The following WWC1 variants were observed in gnomAD, a reference collection of about 807,000 sequenced individuals.
WWC1 encodes protein KIBRA.
A neutral mutation model predicts 138.4 loss-of-function variants in WWC1; 55 were observed. That is an observed-to-expected ratio of 0.40 (90% CI 0.32 to 0.50). The LOEUF (loss-of-function observed/expected upper bound fraction) is 0.50. Ranked by LOEUF, WWC1 falls within the 20% of genes least tolerant of loss-of-function variation. The pLI, the probability that WWC1 is intolerant of heterozygous loss-of-function variation, is 0.72. For missense variants in WWC1, 1,226 were observed against 1,420.4 expected (o/e 0.86, Z 2.20); for synonymous variants, 524 against 564.9 (o/e 0.93, Z 1.03).
In WWC1 at chr5:168,332,443, A is replaced by G. The variant is rs115873798; in HGVS notation, c.120-38981A>G. The stretch of plus-strand genomic sequence containing the variant: ...TTTTCCTTTTCTGGTTGCATCTAAT[A>G]ATTCTGTTTATAAGTGATACTTTCT... On this transcript the variant is annotated intron_variant, in intron 1 of 22. Transcript: ENST00000265293. 6.6e-3 allele frequency among the ~76,000 whole-genome samples: 999 copies of G among 152,334 alleles called. 7 individuals carry two copies. The highest frequency in any genetic ancestry group is 9.7e-3 in the Non-Finnish European group (662 of 68,020).
rs1755077145 is a variant in WWC1 at position 168,444,651 on chromosome 5, C to T, written c.2525+66C>T. The T allele has an allele frequency of 1.9e-6, 3 of 1,545,630 alleles. No individual in the cohort carries two copies. In the African/African-American group the frequency reaches 4.1e-5, roughly 21 times the overall value. ...TGGACCTAGGCCCAGCAATGAGATC[C>T]CCCAATGCCAGTGCAACTAAGAGAA... On this transcript the variant is annotated intron_variant, in intron 17 of 22. Coordinates refer to ENST00000265293, the MANE Select transcript of WWC1 (RefSeq NM_015238.3).
chr5:168,354,566 C>T (rs939127788), intron 1 of WWC1, among the ~76,000 whole-genome samples: 1 of 152,130 alleles, frequency 6.6e-6, no homozygotes, highest in African/African-American at 2.4e-5. Flanking sequence ...TAGTGCTGTC[C>T]TAGGTACAAA....
intron 8 of WWC1, among the ~76,000 whole-genome samples, chr5:168,410,464 T>G (rs1331183078): frequency 6.6e-6 from 1 of 152,260 alleles, no homozygotes; most frequent in East Asian, 1.9e-4. Context: ...CTTCACAGAA[T>G]CCTAAGCAAT....
intron 17 of WWC1, among the ~76,000 whole-genome samples, chr5:168,450,257 TC>T (rs2152880916): frequency 6.6e-6 from 1 of 151,980 alleles, no homozygotes; most frequent in South Asian, 2.1e-4. Context: ...AACCTTGGAG[TC>T]CAAGGGAAAT....
chr5:168,324,883 G>T (rs892896628), intron 1 of WWC1, among the ~76,000 whole-genome samples: 5 of 152,208 alleles, frequency 3.3e-5, no homozygotes, highest in Non-Finnish European at 5.9e-5. Flanking sequence ...ATGGCTGTCA[G>T]CATGGCATGC....
chr5:168,361,330 C>T (rs959455830), intron 1 of WWC1, among the ~76,000 whole-genome samples: 8 of 152,240 alleles, frequency 5.3e-5, no homozygotes, highest in Admixed American at 3.9e-4. Flanking sequence ...AAAAGATATT[C>T]CAGGGTCTTC....
intron 9 of WWC1, among the ~76,000 whole-genome samples, chr5:168,420,358 A>C (rs1780994158): frequency 6.6e-6 from 1 of 151,858 alleles, no homozygotes. Context: ...CTGTGCCCTA[A>C]TCTCCTCTTA....
At chr5:168,324,396 A>G (rs1581921067) in intron 1 of WWC1, among the ~76,000 whole-genome samples, 1 of 152,100 alleles carries the variant, frequency 6.6e-6, no homozygotes, top group Admixed American at 6.6e-5. Context: ...CTGTGCCGCT[A>G]TACTCCAGCT....
chr5:168,296,215 TG>T (rs1351108400), intron 1 of WWC1, among the ~76,000 whole-genome samples: 1 of 152,210 alleles, frequency 6.6e-6, no homozygotes, highest in East Asian at 1.9e-4. Flanking sequence ...TCCTTCTTGT[TG>T]TGCGATTTGT....
rs114508771 is a variant in WWC1 at position 168,330,800 on chromosome 5, A to G, written c.119+38529A>G. On this transcript the variant is annotated intron_variant, in intron 1 of 22. Coordinates refer to ENST00000265293, the MANE Select transcript of WWC1 (RefSeq NM_015238.3). Reference sequence around the variant, plus strand: ...ACAGGGCTCTGCAATTGAGGAAGCCAGAGGTGGATGAAGAGTTGGCCACAC... The same window carrying G: ...ACAGGGCTCTGCAATTGAGGAAGCCGGAGGTGGATGAAGAGTTGGCCACAC... 1.8e-3 allele frequency among the ~76,000 whole-genome samples: 268 copies of G among 152,332 alleles called. 1 individual carries two copies. The highest frequency in any genetic ancestry group is 6.2e-3 in the African/African-American group (259 of 41,590).
intron 4 of WWC1, among the ~76,000 whole-genome samples, chr5:168,398,019 C>T (rs895653277): frequency 2.8e-5 from 4 of 144,898 alleles, no homozygotes; most frequent in African/African-American, 5.0e-5. Context: ...AGGCACAGTG[C>T]GAAATATCTC....
intron 2 of WWC1, among the ~76,000 whole-genome samples, chr5:168,379,024 A>G (rs1777429305): frequency 6.6e-6 from 1 of 152,102 alleles, no homozygotes; most frequent in African/African-American, 2.4e-5. Context: ...GAGAATGTGT[A>G]TGGCGTGTGT....
chr5:168,414,728 G>A, intron 9 of WWC1, 138 bp downstream of exon 9: 1 of 1,260,876 alleles, frequency 7.9e-7, no homozygotes, highest in Non-Finnish European at 1.1e-6. Flanking sequence ...GATCTCTCAG[G>A]TTGCCGACAT....
At chr5:168,449,377 A>G (rs1291544675) in intron 17 of WWC1, among the ~76,000 whole-genome samples, 1 of 152,148 alleles carries the variant, frequency 6.6e-6, no homozygotes, top group African/African-American at 2.4e-5. Context: ...AGCCTGCCAC[A>G]TTGAACAAGG....
chr5:168,339,533 G>A (rs748314286), intron 1 of WWC1, among the ~76,000 whole-genome samples: 47 of 152,288 alleles, frequency 3.1e-4, no homozygotes, highest in Non-Finnish European at 6.0e-4. Flanking sequence ...TGGTTCTGCC[G>A]TTTACTAGCC....
intron 1 of WWC1, among the ~76,000 whole-genome samples, chr5:168,318,603 A>G (rs944891699): frequency 2.1e-5 from 3 of 143,134 alleles, no homozygotes; most frequent in Non-Finnish European, 4.5e-5. Context: ...CTTGTTGCCC[A>G]GGCTGGAGTT....
rs755655324 is a variant in WWC1, at chr5:168,444,510, T to A, written c.2450T>A (p.Leu817Gln). 31 of 1,589,882 alleles carry A rather than the reference T, an allele frequency of 1.9e-5. No individual in the cohort carries two copies. The highest frequency in any genetic ancestry group is 2.6e-5 in the Non-Finnish European group (30 of 1,166,928). Reference sequence around the variant, plus strand: ...TCTCTATAGGACGCTGTGTCTGCTCTGTTGGAACAGACAGCAGTGGAGCTG... The same window carrying A: ...TCTCTATAGGACGCTGTGTCTGCTCAGTTGGAACAGACAGCAGTGGAGCTG... The part of the protein sequence containing the change: ...GPASTDAVSA[L>Q]LEQTAVELEK... Residue 817 changes from leucine to glutamine, a missense_variant, in exon 17 of 23, where the codon CTG becomes CAG. Around this residue, in one of 3 missense-constraint regions of WWC1, gnomAD observed 1,016 missense variants for 1,153.9 expected, o/e 0.88. Coordinates refer to ENST00000265293, the MANE Select transcript of WWC1 (RefSeq NM_015238.3).
chr5:168,397,272 A>G (rs1778973359), intron 3 of WWC1, among the ~76,000 whole-genome samples: 1 of 151,720 alleles, frequency 6.6e-6, no homozygotes, highest in African/African-American at 2.4e-5. Context: ...TCTCCTGACT[A>G]GCTGGGACTA....
At chr5:168,415,382 A>G (rs1561732139) in intron 9 of WWC1, 1 of 152,200 alleles carries the variant, frequency 6.6e-6, no homozygotes, top group Admixed American at 6.5e-5. Flanking sequence ...AGCCTCATCT[A>G]TGGGCCTGAT....
Sources: gnomAD v4.1 joint callset for allele counts (sites outside exome capture counted in the v4.1 genomes callset) on GRCh38, gnomAD v4.1.1 for gene constraint, gnomAD v4.1.1 regional missense constraint, MANE v1.5 for transcripts, NCBI Gene and HGNC (gene_info 2026-07-23, HGNC 2026-07-21) for gene names.